The following MTCL2 variants were observed in gnomAD, a reference collection of about 807,000 sequenced individuals.
MTCL2 encodes the protein microtubule cross-linking factor 2.
chr20:36,804,969 A>G, the MTCL2 span: 2 of 1,564,810 alleles, frequency 1.3e-6, no homozygotes, highest in Non-Finnish European at 8.7e-7. Flanking sequence ...CTGGGTTCAG[A>G]GAACTCACCT....
the MTCL2 span, among the ~76,000 whole-genome samples, chr20:36,819,942 C>CAA: frequency 6.6e-6 from 1 of 152,146 alleles, no homozygotes; most frequent in Non-Finnish European, 1.5e-5. Context: ...GGTCAGAAAA[C>CAA]GAGTCCTTCC....
chr20:36,802,780 G>T, the MTCL2 span: 11 of 1,487,878 alleles, frequency 7.4e-6, no homozygotes, highest in Admixed American at 2.0e-5. Context: ...ATACCTGAAG[G>T]AGTTCCTGCT....
At chr20:36,781,429 G>C in the MTCL2 span, 1 of 152,050 alleles carries the variant, frequency 6.6e-6, no homozygotes, top group African/African-American at 2.4e-5. Context: ...CCAGTTACTC[G>C]GGAGGTTGAG....
the MTCL2 span, chr20:36,815,440 C>G: frequency 6.2e-7 from 1 of 1,611,246 alleles, no homozygotes; most frequent in Non-Finnish European, 8.5e-7. The surrounding 1 kb of genome is among the most constrained non-coding windows in gnomAD (Gnocchi z 5.3). Flanking sequence ...ACCAGGACAT[C>G]GATGGCCTTA....
the MTCL2 span, among the ~76,000 whole-genome samples, chr20:36,842,494 A>G: frequency 6.6e-6 from 1 of 152,206 alleles, no homozygotes; most frequent in African/African-American, 2.4e-5. Context: ...GAAACTGGCC[A>G]GGTGCGGTGG....
the MTCL2 span, among the ~76,000 whole-genome samples, chr20:36,845,636 G>T: frequency 2.4e-4 from 36 of 152,328 alleles, no homozygotes; most frequent in African/African-American, 8.4e-4. Context: ...AGGCAGGGGC[G>T]CTGGGCTTTC....
chr20:36,825,671 G>A, the MTCL2 span, among the ~76,000 whole-genome samples: 6 of 152,230 alleles, frequency 3.9e-5, no homozygotes, highest in Admixed American at 2.6e-4. Context: ...TCGGCAGCCT[G>A]TCAGGATGGC....
chr20:36,857,324 G>A, the MTCL2 span, among the ~76,000 whole-genome samples: 1,422 of 152,204 alleles, frequency 9.3e-3, 15 homozygotes, highest in Non-Finnish European at 0.013. Flanking sequence ...CCTCCGTTGT[G>A]TCTGTTTGGT....
chr20:36,807,170 C>T, the MTCL2 span, among the ~76,000 whole-genome samples: 6 of 152,180 alleles, frequency 3.9e-5, no homozygotes, highest in Non-Finnish European at 7.4e-5. Context: ...GCGGTAGTGA[C>T]TCTCCCATGA....
the MTCL2 span, among the ~76,000 whole-genome samples, chr20:36,801,547 A>AT: frequency 6.6e-6 from 1 of 151,214 alleles, no homozygotes; most frequent in Non-Finnish European, 1.5e-5. Context: ...CTCATCTCTC[A>AT]TAAAAAAAAA....
At chr20:36,844,408 AT>A in the MTCL2 span, among the ~76,000 whole-genome samples, 1 of 150,894 alleles carries the variant, frequency 6.6e-6, no homozygotes, top group African/African-American at 2.4e-5. Context: ...AAAAATAATA[AT>A]AATAATAATA....
the MTCL2 span, among the ~76,000 whole-genome samples, chr20:36,830,130 G>A: frequency 1.3e-5 from 2 of 152,116 alleles, no homozygotes; most frequent in African/African-American, 4.8e-5. Flanking sequence ...CACTGTGCCT[G>A]CCTACCTGGG....
At chr20:36,828,765 G>T in the MTCL2 span, 1 of 364,802 alleles carries the variant, frequency 2.7e-6, no homozygotes, top group Non-Finnish European at 5.0e-6. Context: ...TCCCACAGCG[G>T]CTGTGGTTCT....
At chr20:36,824,302 T>C in the MTCL2 span, among the ~76,000 whole-genome samples, 3 of 152,188 alleles carry the variant, frequency 2.0e-5, no homozygotes, top group Non-Finnish European at 4.4e-5. Flanking sequence ...TCTAATGTGG[T>C]CATATACCCA....
chr20:36,862,854 G>A, the MTCL2 span: 23 of 1,241,124 alleles, frequency 1.9e-5, no homozygotes, highest in Non-Finnish European at 2.2e-5. Flanking sequence ...CTGCGCGGAG[G>A]GCGCGGGCTG....
chr20:36,808,765 A>T, the MTCL2 span: 1 of 1,552,732 alleles, frequency 6.4e-7, no homozygotes, highest in Non-Finnish European at 8.7e-7. Flanking sequence ...CAAGAGCTTG[A>T]GCAACCCCAG....
the MTCL2 span, among the ~76,000 whole-genome samples, chr20:36,855,647 ACT>A: frequency 6.6e-6 from 1 of 151,442 alleles, no homozygotes; most frequent in African/African-American, 2.4e-5. Flanking sequence ...TTCCTAGGGG[ACT>A]CTCTCTGCCC....
At chr20:36,839,427 C>G in the MTCL2 span, 3 of 1,613,318 alleles carry the variant, frequency 1.9e-6, no homozygotes, top group Non-Finnish European at 2.5e-6. This position sits in a 1 kb window ranked among gnomAD's most constrained non-coding sequence, Gnocchi z 5.1. Context: ...CGGCCCGCAG[C>G]TCCTCAATCT....
chr20:36,825,959 C>T, the MTCL2 span, among the ~76,000 whole-genome samples: 1 of 152,000 alleles, frequency 6.6e-6, no homozygotes, highest in Non-Finnish European at 1.5e-5. Flanking sequence ...TCTTTACAAG[C>T]TTTACCTCTT....
Sources: gnomAD v4.1 joint callset for allele counts (sites outside exome capture counted in the v4.1 genomes callset) on GRCh38, gnomAD v4.1.1 for gene constraint, Gnocchi (gnomAD v3.1) non-coding constraint, MANE v1.5 for transcripts, NCBI Gene and HGNC (gene_info 2026-07-23, HGNC 2026-07-21) for gene names.